PTPN9: variants seen among roughly 807,000 people sequenced by gnomAD.
PTPN9 encodes tyrosine-protein phosphatase non-receptor type 9.
A neutral mutation model predicts 69.8 loss-of-function variants in PTPN9; 26 were observed. That is an observed-to-expected ratio of 0.37 (90% CI 0.27 to 0.52). The LOEUF (loss-of-function observed/expected upper bound fraction) is 0.52, where lower values mean the gene tolerates loss of function less well. Among genes scored for constraint, PTPN9 ranks in the 20% least tolerant of loss-of-function variants. The probability of loss-of-function intolerance (pLI) is 0.91; values close to 1 mark genes in which losing one functional copy is unlikely to be tolerated. For synonymous variants in PTPN9, 274 were observed against 272.5 expected, an observed-to-expected ratio of 1.01 and a Z score of -0.05; for missense variants, 549 against 740.3, an observed-to-expected ratio of 0.74 and a Z score of 3.00.
Position 75,470,912 on chromosome 15 carries a change from C to T in PTPN9, c.1209-82G>A, listed in dbSNP as rs143058893. The T allele has an allele frequency of 8.1e-4, 1,219 of 1,504,104 alleles. 15 individuals carry two copies. In the African/African-American group the frequency reaches 0.014, roughly 17 times the overall value. 93.2% of individuals were successfully genotyped at this position (1,504,104 alleles called of 1,614,324 possible). ...TGGCTTCCCCAAAGACCTGATATAC[C>T]CCCAGGCAGCAATATCATCTCTTGC... On this transcript the variant is annotated intron_variant, in intron 10 of 12. Coordinates refer to ENST00000618819, the MANE Select transcript of PTPN9 (RefSeq NM_002833.4).
At chr15:75,512,377 C>T (rs973306595) in intron 5 of PTPN9, among the ~76,000 whole-genome samples, 2 of 151,844 alleles carry the variant, frequency 1.3e-5, no homozygotes, top group Non-Finnish European at 2.9e-5. Context: ...AAATTTTGTA[C>T]AGTCAGGGTC....
At chr15:75,565,291 C>A (rs2075122057) in intron 1 of PTPN9, among the ~76,000 whole-genome samples, 1 of 152,010 alleles carries the variant, frequency 6.6e-6, no homozygotes, top group Admixed American at 6.6e-5. Flanking sequence ...AAGTCAATTG[C>A]TGAAATCAGT....
chr15:75,529,390 C>G (rs537880431), intron 1 of PTPN9, among the ~76,000 whole-genome samples: 1 of 152,142 alleles, frequency 6.6e-6, no homozygotes, highest in Non-Finnish European at 1.5e-5. Context: ...TGCAATATGA[C>G]GAACCTGATG....
intron 9 of PTPN9, among the ~76,000 whole-genome samples, chr15:75,477,927 G>T (rs2141290298): frequency 7.1e-6 from 1 of 140,904 alleles, no homozygotes; most frequent in South Asian, 2.2e-4. Flanking sequence ...TGCAACCTCT[G>T]CCTCCCAGGT....
intron 5 of PTPN9, among the ~76,000 whole-genome samples, chr15:75,515,193 T>C (rs561781313): frequency 3.2e-4 from 48 of 149,428 alleles, no homozygotes; most frequent in African/African-American, 9.8e-4. Flanking sequence ...TTTGGGAGGC[T>C]GAGGCGGGCA....
intron 7 of PTPN9, among the ~76,000 whole-genome samples, chr15:75,493,888 G>C (rs1363381456): frequency 2.6e-5 from 4 of 152,000 alleles, no homozygotes; most frequent in African/African-American, 7.2e-5. Context: ...AGTTTTACTG[G>C]AACACAGTCA....
At position 75,505,692 on chromosome 15, in the gene PTPN9, G is replaced by A; in HGVS notation, c.951C>T (p.Gly317=). The part of the protein sequence containing the change: ...YEDIRRENPV[G]TFHCSMSPGN... ...CTACTTACATGGAACAGTGGAAAGT[G>A]CCAACAGGGTTCTCACGACGAATGT... Residue 317 remains glycine (G), a synonymous_variant, in exon 7 of 13, where the codon GGC becomes GGT. Coordinates refer to ENST00000618819, the MANE Select transcript of PTPN9 (RefSeq NM_002833.4). 1 of 1,613,820 alleles carries A rather than the reference G, an allele frequency of 6.2e-7. No individual in the cohort carries two copies.
intron 1 of PTPN9, among the ~76,000 whole-genome samples, chr15:75,555,789 G>A (rs2075074501): frequency 2.0e-5 from 3 of 151,978 alleles, no homozygotes; most frequent in Admixed American, 2.0e-4. Flanking sequence ...ACAGTTATAA[G>A]CCACTGCGCC....
At chr15:75,501,418 C>T (rs1365129121) in intron 7 of PTPN9, among the ~76,000 whole-genome samples, 1 of 150,642 alleles carries the variant, frequency 6.6e-6, no homozygotes, top group African/African-American at 2.4e-5. Context: ...AGGATGGCTT[C>T]CCTCATTTTC....
At chr15:75,555,088 A>G (rs1595969157) in intron 1 of PTPN9, among the ~76,000 whole-genome samples, 1 of 152,208 alleles carries the variant, frequency 6.6e-6, no homozygotes, top group Non-Finnish European at 1.5e-5. Context: ...CTATATCTCA[A>G]GAGACTCTGC....
intron 7 of PTPN9, among the ~76,000 whole-genome samples, chr15:75,496,968 A>C (rs1176252433): frequency 1.3e-5 from 2 of 152,300 alleles, no homozygotes; most frequent in African/African-American, 4.8e-5. Flanking sequence ...TTTTGAAAAA[A>C]ATTATTTGCA....
At chr15:75,490,069 T>TATAAATATACTA in intron 8 of PTPN9, 139 bp downstream of exon 8, 1 of 689,090 alleles carries the variant, frequency 1.5e-6, no homozygotes, top group South Asian at 1.8e-5. Flanking sequence ...CAGACTAGTA[T>TATAAATATACTA]GTAGCAAAAT....
chr15:75,492,707 G>A (rs2074717623), intron 7 of PTPN9, among the ~76,000 whole-genome samples: 1 of 152,140 alleles, frequency 6.6e-6, no homozygotes, highest in Non-Finnish European at 1.5e-5. Context: ...CATGCAAAAC[G>A]AGCTTCCATG....
At chr15:75,471,792 G>A (rs745616660) in intron 10 of PTPN9, among the ~76,000 whole-genome samples, 1 of 152,018 alleles carries the variant, frequency 6.6e-6, no homozygotes, top group African/African-American at 2.4e-5. Flanking sequence ...GTGGGCACCT[G>A]TAATCCCAGC....
At position 75,467,003 on chromosome 15, in the gene PTPN9, A is replaced by T. The variant is rs2074539058; in HGVS notation, c.*1766T>A. On this transcript the variant is annotated 3_prime_UTR_variant, in exon 13 of 13. Transcript: ENST00000618819. Reference sequence around the variant, plus strand: ...AGACAAGGTGAACTCATAGTGTCAGAACTCAAAGTCTCAGATACTGAAGGC... The same window carrying T: ...AGACAAGGTGAACTCATAGTGTCAGTACTCAAAGTCTCAGATACTGAAGGC... 1 of 152,216 alleles carries T rather than the reference A, an allele frequency of 6.6e-6. No homozygotes were observed. Among genetic ancestry groups the T allele is most frequent in the Non-Finnish European group, 1.5e-5 (1 of 68,064 alleles). The allele number at this position is 152,216 out of a possible 1,614,324, so 9.4% of individuals were successfully genotyped here.
Position 75,527,110 on chromosome 15 carries a change from C to T in PTPN9, c.207+8G>A. 6.2e-7 allele frequency: 1 copy of T among 1,614,116 alleles called. No individual in the cohort carries two copies. Among genetic ancestry groups the T allele is most frequent in the East Asian group, 2.2e-5 (1 of 44,890 alleles). On this transcript the variant is annotated splice_region_variant and intron_variant, in intron 2 of 12. Coordinates refer to ENST00000618819, the MANE Select transcript of PTPN9 (RefSeq NM_002833.4). ...GCCACAGGTCTGGTCTACCCCTGAG[C>T]CACATACTCTGTAGGAGTGGAACAA...
At chr15:75,549,786 G>A (rs2075049131) in intron 1 of PTPN9, among the ~76,000 whole-genome samples, 1 of 152,136 alleles carries the variant, frequency 6.6e-6, no homozygotes. Flanking sequence ...ACCAGCCTAA[G>A]CAACATGGCA....
chr15:75,485,775 T>C (rs1441094519), intron 8 of PTPN9, among the ~76,000 whole-genome samples: 1 of 151,864 alleles, frequency 6.6e-6, no homozygotes, highest in Non-Finnish European at 1.5e-5. Context: ...ATTAAATTTT[T>C]AATTTCAGCA....
In PTPN9 at chr15:75,479,785, T is replaced by C. The variant is rs1397623744; in HGVS notation, c.1129+63A>G. 7 of 1,371,186 alleles carry C rather than the reference T, an allele frequency of 5.1e-6. No individual in the cohort carries two copies. The African/African-American group carries it at 8.7e-5, about 17-fold the overall frequency. The allele number at this position is 1,371,186 out of a possible 1,614,324, so 84.9% of individuals were successfully genotyped here. On this transcript the variant is annotated intron_variant, in intron 9 of 12. Transcript: ENST00000618819. ...CATTCGTTTAAAAATTATGCTATCA[T>C]TTGGCACAAGGAATCATAAGTAGAT...
Sources: allele counts gnomAD v4.1 joint callset (sites outside exome capture counted in the v4.1 genomes callset), GRCh38; gene constraint gnomAD v4.1.1; transcripts MANE v1.5; gene names NCBI Gene and HGNC (gene_info 2026-07-23, HGNC 2026-07-21).